The following PHF24 variants were observed in gnomAD, a reference collection of about 807,000 sequenced individuals.
PHF24 encodes Galpha inhibitory interacting protein.
Under a neutral mutation model 42.6 loss-of-function variants are expected in PHF24, and 25 were observed. The observed-to-expected ratio is 0.59, with a 90% confidence interval of 0.43 to 0.82. The LOEUF (loss-of-function observed/expected upper bound fraction) is 0.82. PHF24 is among the 40% of genes least tolerant of loss of function. The pLI is 0.00. For missense variants in PHF24, 470 were observed against 538.1 expected, an observed-to-expected ratio of 0.87 and a Z score of 1.25; for synonymous variants, 185 against 204.8, an observed-to-expected ratio of 0.90 and a Z score of 0.83.
chr9:34,962,203 C>T (rs931342735), intron 1 of PHF24, among the ~76,000 whole-genome samples: 1 of 152,254 alleles, frequency 6.6e-6, no homozygotes, highest in African/African-American at 2.4e-5. Context: ...CTATCTCAAA[C>T]CAGTTCTTTG....
the PHF24 span, among the ~76,000 whole-genome samples, chr9:34,923,349 G>A: frequency 6.6e-6 from 1 of 152,054 alleles, no homozygotes; most frequent in African/African-American, 2.4e-5. Flanking sequence ...TCTGGTTTTG[G>A]TATCAGGATA....
the PHF24 span, among the ~76,000 whole-genome samples, chr9:34,687,595 C>G: frequency 1.8e-4 from 27 of 152,208 alleles, no homozygotes; most frequent in Non-Finnish European, 1.5e-5. Context: ...GAGGTAGCGT[C>G]CAGGGGCCCC....
chr9:34,724,230 C>T, the PHF24 span: 1 of 1,551,520 alleles, frequency 6.4e-7, no homozygotes, highest in Non-Finnish European at 8.7e-7. Context: ...ATGTGGGCCT[C>T]TGTCATGTCC....
chr9:34,692,141 C>T, the PHF24 span, among the ~76,000 whole-genome samples: 64 of 152,208 alleles, frequency 4.2e-4, no homozygotes, highest in Middle Eastern at 3.4e-3. Context: ...AAATGTGAAA[C>T]GCCCAGTCAC....
the PHF24 span, among the ~76,000 whole-genome samples, chr9:34,700,910 C>T: frequency 1.3e-5 from 2 of 152,146 alleles, no homozygotes; most frequent in Admixed American, 6.5e-5. Flanking sequence ...GTTTAAGGCA[C>T]CTACCCACAG....
At chr9:34,735,441 T>C in the PHF24 span, among the ~76,000 whole-genome samples, 4 of 150,990 alleles carry the variant, frequency 2.6e-5, no homozygotes, top group Non-Finnish European at 3.0e-5. Flanking sequence ...GGCCCAGATA[T>C]CCAGCTTTCA....
chr9:34,768,823 T>C, the PHF24 span, among the ~76,000 whole-genome samples: 329 of 152,088 alleles, frequency 2.2e-3, 1 homozygote, highest in Admixed American at 3.4e-3. Flanking sequence ...CTGTCACTAT[T>C]GGAAAGTGGT....
chr9:34,837,674 G>C, the PHF24 span: 1 of 1,523,424 alleles, frequency 6.6e-7, no homozygotes, highest in East Asian at 2.5e-5. Flanking sequence ...TGCATCTCTA[G>C]CTCTTTGCCT....
At chr9:34,742,550 C>T in the PHF24 span, among the ~76,000 whole-genome samples, 362 of 152,284 alleles carry the variant, frequency 2.4e-3, 1 homozygote, top group African/African-American at 7.6e-3. Context: ...CTGCCAGCTA[C>T]GTCACCAAAT....
At chr9:34,687,846 G>A in the PHF24 span, among the ~76,000 whole-genome samples, 17 of 152,228 alleles carry the variant, frequency 1.1e-4, no homozygotes, top group Admixed American at 3.3e-4. Context: ...GACCTAGAAC[G>A]CCATGGCTGG....
At chr9:34,905,305 G>A in the PHF24 span, among the ~76,000 whole-genome samples, 2 of 152,214 alleles carry the variant, frequency 1.3e-5, no homozygotes, top group South Asian at 2.1e-4. Context: ...AGGAGAACAA[G>A]CACCCCCATT....
At chr9:34,760,106 T>G in the PHF24 span, among the ~76,000 whole-genome samples, 1 of 152,166 alleles carries the variant, frequency 6.6e-6, no homozygotes, top group East Asian at 1.9e-4. Context: ...ACGACGGGGA[T>G]GAAGTACACG....
the PHF24 span, chr9:34,726,888 G>A: frequency 1.3e-6 from 2 of 1,551,712 alleles, no homozygotes; most frequent in Non-Finnish European, 8.7e-7. Flanking sequence ...TCACCCACCA[G>A]CAATTGCTGA....
the PHF24 span, among the ~76,000 whole-genome samples, chr9:34,810,002 C>T: frequency 4.1e-5 from 6 of 145,318 alleles, no homozygotes; most frequent in Middle Eastern, 7.5e-3. Context: ...GCGCACGCGC[C>T]GCCGCCGCCC....
exon 8 of PHF24, chr9:34,978,676 T>C (rs1295063192): frequency 6.5e-6 from 1 of 153,092 alleles, no homozygotes; most frequent in East Asian, 1.9e-4. Flanking sequence ...CTGTTACTAG[T>C]AGGTGTGCAT....
the PHF24 span, among the ~76,000 whole-genome samples, chr9:34,791,713 G>A: frequency 6.6e-6 from 1 of 152,228 alleles, no homozygotes; most frequent in Admixed American, 6.5e-5. Flanking sequence ...CAGAAGGCTT[G>A]TTAAAATGTT....
the PHF24 span, among the ~76,000 whole-genome samples, chr9:34,878,573 C>T: frequency 6.6e-6 from 1 of 152,234 alleles, no homozygotes; most frequent in African/African-American, 2.4e-5. Flanking sequence ...CTATATCCCA[C>T]ACCTGGCTCA....
At chr9:34,805,331 A>T in the PHF24 span, among the ~76,000 whole-genome samples, 1 of 152,320 alleles carries the variant, frequency 6.6e-6, no homozygotes, top group East Asian at 1.9e-4. Flanking sequence ...TCAGCAATGT[A>T]TGAGGGTTCT....
chr9:34,816,132 A>G, the PHF24 span, among the ~76,000 whole-genome samples: 1 of 151,446 alleles, frequency 6.6e-6, no homozygotes, highest in African/African-American at 2.4e-5. Context: ...GTTTTAGGGT[A>G]AACTTTTGCA....
Sources: allele counts gnomAD v4.1 joint callset (sites outside exome capture counted in the v4.1 genomes callset), GRCh38; gene constraint gnomAD v4.1.1; transcripts MANE v1.5; gene names NCBI Gene and HGNC (gene_info 2026-07-23, HGNC 2026-07-21).